Variants in ZSCAN18 observed in about 807,000 individuals in gnomAD.
ZSCAN18 encodes the protein zinc finger and SCAN domain-containing protein 18.
ZSCAN18 carries 16 observed loss-of-function variants against 31.1 expected under a neutral mutation model. That is an observed-to-expected ratio of 0.51 (90% confidence interval 0.35 to 0.78). The LOEUF (loss-of-function observed/expected upper bound fraction) is 0.78, where lower values mean the gene tolerates loss of function less well. Among genes scored for constraint, ZSCAN18 ranks in the 30% least tolerant of loss-of-function variants. The pLI is 0.01. For synonymous variants in ZSCAN18, 375 were observed against 320.7 expected (o/e 1.17, Z -1.81); for missense variants, 731 against 697.4 (o/e 1.05, Z -0.54).
At chr19:58,108,476 A>G in intron 1 of ZSCAN18, 6 of 985,778 alleles carry the variant, frequency 6.1e-6, no homozygotes, top group Non-Finnish European at 7.2e-6. Flanking sequence ...AGGTGGAGCC[A>G]GCACTGAAGG....
At chr19:58,113,204 T>C (rs1009187273) in intron 1 of ZSCAN18, among the ~76,000 whole-genome samples, 1 of 151,190 alleles carries the variant, frequency 6.6e-6, no homozygotes, top group Non-Finnish European at 1.5e-5. Flanking sequence ...TAGTCCCAGC[T>C]ACTCGGGAGG....
rs779069148 is a variant in ZSCAN18 at position 58,085,282 on chromosome 19, G to A, written c.936C>T (p.Asp312=). 6.9e-6 allele frequency: 11 copies of A among 1,600,690 alleles called. No individual in the cohort carries two copies. In the African/African-American group the frequency reaches 1.2e-4, roughly 18 times the overall value. Residue 312 remains aspartate (D), a synonymous_variant, in exon 7 of 7, where the codon GAC becomes GAT. Transcript: ENST00000601144. The part of the protein sequence containing the change: ...PELPTEAPPG[D]ALADPPSGTT... ...TGCCCGACGGGGGATCGGCAAGGGCGTCCCCAGGGGGCGCCTCCGTAGGCA... is the reference window on the plus strand; with the variant it reads ...TGCCCGACGGGGGATCGGCAAGGGCATCCCCAGGGGGCGCCTCCGTAGGCA...
chr19:58,117,466 G>A (rs1268310511), intron 1 of ZSCAN18, among the ~76,000 whole-genome samples: 3 of 152,120 alleles, frequency 2.0e-5, no homozygotes, highest in Admixed American at 6.6e-5. Context: ...GAAGGGGAAG[G>A]AACACACAAC....
Position 58,090,232 on chromosome 19 carries a change from C to T in ZSCAN18, c.36G>A (p.Arg12=). The T allele has an allele frequency of 6.2e-7, 1 of 1,613,510 alleles. No homozygotes were observed. Among genetic ancestry groups the T allele is most frequent in the Non-Finnish European group, 8.5e-7 (1 of 1,180,026 alleles). The stretch of plus-strand genomic sequence containing the variant: ...GCAGATCCGGCGGGGCTGGGGAGCT[C>T]CTGGGGGAGGCAAACGCCTTCTCCA... ...LPLEKAFASP[R]SSPAPPDLPT... The change falls in exon 2 of 7, where the codon AGG becomes AGA. Residue 12 remains arginine, a synonymous_variant. Coordinates refer to ENST00000601144, the MANE Select transcript of ZSCAN18 (RefSeq NM_001145543.2). The surrounding 1 kb of genome is among the most constrained non-coding windows in gnomAD (Gnocchi z 4.7).
At chr19:58,098,390 A>G (rs901659173), upstream of ZSCAN18, 20 of 985,414 alleles carry the variant, frequency 2.0e-5, no homozygotes, top group East Asian at 2.2e-3. Flanking sequence ...CGTCCCGCCC[A>G]CTCCGGCGCC....
Position 58,090,336 on chromosome 19 carries a change from C to T in ZSCAN18, c.-69G>A. 1 of 1,607,210 alleles carries T rather than the reference C, an allele frequency of 6.2e-7. No homozygotes were observed. Among genetic ancestry groups the T allele is most frequent in the African/African-American group, 1.3e-5 (1 of 74,950 alleles). ...CAAGGTGGCTCCAAAGGAGAGGTGC[C>T]AGGGATGACCAGATGCCCAGTGGGC... On this transcript the variant is annotated 5_prime_UTR_variant, in exon 2 of 7. Transcript: ENST00000601144. This position sits in a 1 kb window ranked among gnomAD's most constrained non-coding sequence, Gnocchi z 4.7.
Position 58,087,680 on chromosome 19 carries a change from C to T in ZSCAN18, c.554-276G>A, listed in dbSNP as rs2074311232. The T allele has an allele frequency of 3.0e-5, 11 of 366,074 alleles. No individual in the cohort carries two copies. The South Asian group carries it at 3.1e-4, about 10-fold the overall frequency. The allele number at this position is 366,074 out of a possible 1,614,324, so 22.7% of individuals were successfully genotyped here. ...TTTGTTTTTTAAAGACAGGGTCTTG[C>T]TCTGTCACCTAGGCTGGAGTGCAGT... On this transcript the variant is annotated intron_variant, in intron 3 of 6. Coordinates refer to ENST00000601144, the MANE Select transcript of ZSCAN18 (RefSeq NM_001145543.2).
chr19:58,107,944 G>A, intron 1 of ZSCAN18: 1 of 1,072,748 alleles, frequency 9.3e-7, no homozygotes, highest in Non-Finnish European at 1.2e-6. Context: ...TCACCAGTAT[G>A]AGTCCTCTGG....
At position 58,085,074 on chromosome 19, in the gene ZSCAN18, G is replaced by C; in HGVS notation, c.1144C>G (p.Leu382Val). 1 of 1,603,078 alleles carries C rather than the reference G, an allele frequency of 6.2e-7. No individual in the cohort carries two copies. The highest frequency in any genetic ancestry group is 8.5e-7 in the Non-Finnish European group (1 of 1,173,774). ...TCGCCGGAGCTAGAGACGCCCTCGA[G>C]GCTCTGCCCGTCCCCATCCTCGGGG... The part of the protein sequence containing the change: ...PHPEDGDGQS[L>V]EGVSSSGDSA... The change falls in exon 7 of 7, where the codon CTC becomes GTC. Residue 382 changes from leucine to valine, a missense_variant. Leu to Val is a conservative substitution (Grantham distance 32, BLOSUM62 1). Around this residue, in one of 4 missense-constraint regions of ZSCAN18, gnomAD observed 597 missense variants for 499.5 expected, o/e 1.20. Coordinates refer to ENST00000601144, the MANE Select transcript of ZSCAN18 (RefSeq NM_001145543.2).
chr19:58,118,270 C>A lies in ZSCAN18; in HGVS notation c.127G>T (p.Glu43Ter). The change falls in exon 1 of 2, where the codon GAG (glutamate) becomes TAG (stop). Residue 43 changes from glutamate to a stop codon, truncating the protein, a stop_gained. Transcript: ENST00000595721. LOFTEE classifies it low-confidence loss of function (END_TRUNC). ...GCTCTGGAGTCCTTGACCCCACCCT[C>A]ACTAGGCCTTGGCTCCGCGACCGGT... The A allele has an allele frequency of 6.8e-7, 1 of 1,461,088 alleles. No individual in the cohort carries two copies. Among genetic ancestry groups the A allele is most frequent in the Non-Finnish European group, 9.2e-7 (1 of 1,089,506 alleles). The allele number at this position is 1,461,088 out of a possible 1,614,324, so 90.5% of individuals were successfully genotyped here.
upstream of ZSCAN18, among the ~76,000 whole-genome samples, chr19:58,102,901 G>A (rs1300601767): frequency 6.6e-6 from 1 of 152,164 alleles, no homozygotes; most frequent in East Asian, 1.9e-4. Flanking sequence ...GGAGGCCGAG[G>A]TGGGTGGACC....
Position 58,090,203 on chromosome 19 carries a change from G to A in ZSCAN18, c.65C>T (p.Thr22Met), listed in dbSNP as rs149069414. ...RSSPAPPDLPTPGSAAGVQQE... is the reference protein window; with the variant it reads ...RSSPAPPDLPMPGSAAGVQQE... The stretch of plus-strand genomic sequence containing the variant: ...CTGGACTCCGGCTGCTGACCCCGGC[G>A]TGGGCAGATCCGGCGGGGCTGGGGA... The change falls in exon 2 of 7, where the codon ACG becomes ATG. Residue 22 changes from threonine to methionine, a missense_variant. Around this residue, in one of 4 missense-constraint regions of ZSCAN18, gnomAD observed 86 missense variants for 119.1 expected, o/e 0.72. Coordinates refer to ENST00000601144, the MANE Select transcript of ZSCAN18 (RefSeq NM_001145543.2). The surrounding 1 kb of genome is among the most constrained non-coding windows in gnomAD (Gnocchi z 4.7). The A allele has an allele frequency of 4.2e-4, 670 of 1,613,718 alleles. 4 individuals carry two copies. The East Asian group carries it at 9.5e-3, about 23-fold the overall frequency.
rs60905024 is a variant in ZSCAN18 at position 58,096,220 on chromosome 19, C to A, written c.-120+1954G>T. ...TGGGCGACAGAATGAGCCCGTGTCTCACAAACAAACAAAATAGAGATACCA... is the reference window on the plus strand; with the variant it reads ...TGGGCGACAGAATGAGCCCGTGTCTAACAAACAAACAAAATAGAGATACCA... On this transcript the variant is annotated intron_variant, in intron 1 of 6. Transcript: ENST00000601144. Among the ~76,000 whole-genome samples, 609 of 152,058 alleles carry A rather than the reference C, an allele frequency of 4.0e-3. 3 individuals carry two copies. The highest frequency in any genetic ancestry group is 0.014 in the African/African-American group (582 of 41,518).
At chr19:58,089,807 C>G in intron 2 of ZSCAN18, 58 bp downstream of exon 2, 1 of 1,535,408 alleles carries the variant, frequency 6.5e-7, no homozygotes, top group Non-Finnish European at 8.8e-7. Flanking sequence ...GCACTGGGGC[C>G]TTCCAGGATC....
At chr19:58,107,969 C>T (rs932591066) in intron 1 of ZSCAN18, 23 of 1,054,864 alleles carry the variant, frequency 2.2e-5, no homozygotes, top group Middle Eastern at 5.5e-4. Flanking sequence ...AGATGAGGCC[C>T]GCGATGTTCC....
chr19:58,110,949 A>T (rs1390920630), intron 1 of ZSCAN18, among the ~76,000 whole-genome samples: 5 of 152,038 alleles, frequency 3.3e-5, no homozygotes, highest in Admixed American at 2.0e-4. Flanking sequence ...CAGGTGGATC[A>T]CGAGGTCAGG....
intron 6 of ZSCAN18, 64 bp from the exon 7 acceptor site, chr19:58,085,443 C>A: frequency 1.4e-6 from 2 of 1,409,136 alleles, no homozygotes. Flanking sequence ...GAGGACCCAG[C>A]CGAGCCTCAG....
intron 1 of ZSCAN18, among the ~76,000 whole-genome samples, chr19:58,113,787 TAG>T (rs2074707665): frequency 6.6e-6 from 1 of 152,138 alleles, no homozygotes; most frequent in African/African-American, 2.4e-5. Context: ...GAGACCAGCC[TAG>T]GGAACATGGT....
chr19:58,102,213 A>G (rs936579902), upstream of ZSCAN18, among the ~76,000 whole-genome samples: 5 of 152,010 alleles, frequency 3.3e-5, no homozygotes, highest in African/African-American at 7.2e-5. Flanking sequence ...AATCCCAGCA[A>G]TTTGGGAGGC....
Sources: allele counts gnomAD v4.1 joint callset (sites outside exome capture counted in the v4.1 genomes callset), GRCh38; gene constraint gnomAD v4.1.1; regional missense constraint gnomAD v4.1.1; non-coding constraint Gnocchi (gnomAD v3.1); transcripts MANE v1.5; gene names NCBI Gene and HGNC (gene_info 2026-07-23, HGNC 2026-07-21).